The following BLTP1 variants were observed in gnomAD, a reference collection of about 807,000 sequenced individuals.
BLTP1 encodes bridge-like lipid transfer protein family member 1.
At chr4:122,221,596 C>A in the BLTP1 span, among the ~76,000 whole-genome samples, 1 of 151,768 alleles carries the variant, frequency 6.6e-6, no homozygotes, top group East Asian at 1.9e-4. Flanking sequence ...CATGTAACCA[C>A]CAAAATGAAG....
the BLTP1 span, among the ~76,000 whole-genome samples, chr4:122,306,915 C>T: frequency 6.6e-6 from 1 of 152,216 alleles, no homozygotes; most frequent in South Asian, 2.1e-4. Context: ...GCCCTTTTGG[C>T]AGTGTTACAG....
the BLTP1 span, among the ~76,000 whole-genome samples, chr4:122,322,548 T>G: frequency 6.6e-6 from 1 of 152,132 alleles, no homozygotes; most frequent in African/African-American, 2.4e-5. Context: ...TTAGATTGTG[T>G]TTTTTGCTAT....
At chr4:122,226,631 C>T in the BLTP1 span, 1 of 1,584,144 alleles carries the variant, frequency 6.3e-7, no homozygotes, top group Non-Finnish European at 8.5e-7. Flanking sequence ...CGTTAACATT[C>T]TTCAGAAGCT....
the BLTP1 span, among the ~76,000 whole-genome samples, chr4:122,295,234 C>T: frequency 2.6e-5 from 4 of 151,898 alleles, no homozygotes; most frequent in Non-Finnish European, 5.9e-5. Flanking sequence ...CAAGACAGGC[C>T]AACATTCGAA....
At chr4:122,301,259 CT>C in the BLTP1 span, 18 of 1,466,104 alleles carry the variant, frequency 1.2e-5, no homozygotes, top group South Asian at 2.8e-5. Flanking sequence ...TATTTTTTTT[CT>C]TTAAAAAAAA....
At chr4:122,178,988 A>ACC in the BLTP1 span, among the ~76,000 whole-genome samples, 1 of 152,160 alleles carries the variant, frequency 6.6e-6, no homozygotes, top group Admixed American at 6.5e-5. Context: ...TTTAAAAAGC[A>ACC]CCTTTTGAGG....
chr4:122,243,732 G>C, the BLTP1 span: 2 of 1,176,300 alleles, frequency 1.7e-6, no homozygotes, highest in Non-Finnish European at 2.2e-6. Flanking sequence ...AAAAAAAAAA[G>C]TCAAGTCCAA....
At chr4:122,184,714 T>C in the BLTP1 span, 15 of 985,356 alleles carry the variant, frequency 1.5e-5, no homozygotes, top group Non-Finnish European at 1.8e-5. Flanking sequence ...GTTTAACAAC[T>C]GGTACTATAC....
chr4:122,268,012 T>C, the BLTP1 span, among the ~76,000 whole-genome samples: 1 of 152,110 alleles, frequency 6.6e-6, no homozygotes, highest in Non-Finnish European at 1.5e-5. Context: ...AAATTTTAAA[T>C]AATTTAACAA....
the BLTP1 span, chr4:122,313,689 T>C: frequency 2.0e-6 from 3 of 1,501,234 alleles, no homozygotes; most frequent in African/African-American, 1.4e-5. Context: ...CAGCAGCTGG[T>C]AGGTTCACAT....
the BLTP1 span, among the ~76,000 whole-genome samples, chr4:122,165,195 A>G: frequency 6.6e-6 from 1 of 151,904 alleles, no homozygotes; most frequent in Admixed American, 6.6e-5. Flanking sequence ...AACATTAGGT[A>G]TATCTCCTAA....
chr4:122,222,943 T>C, the BLTP1 span: 1 of 938,008 alleles, frequency 1.1e-6, no homozygotes, highest in Non-Finnish European at 1.3e-6. Flanking sequence ...GGCTATACCT[T>C]AGGAAAGCCC....
the BLTP1 span, chr4:122,267,024 C>T: frequency 2.8e-5 from 14 of 501,284 alleles, no homozygotes; most frequent in South Asian, 1.3e-4. Flanking sequence ...TTTAACGTTA[C>T]TTTCGTGTAA....
the BLTP1 span, among the ~76,000 whole-genome samples, chr4:122,296,009 T>G: frequency 6.6e-6 from 1 of 152,208 alleles, no homozygotes; most frequent in African/African-American, 2.4e-5. Context: ...AGCATTCCCC[T>G]TGAAAACTGG....
At chr4:122,197,234 A>G in the BLTP1 span, 101 of 1,483,264 alleles carry the variant, frequency 6.8e-5, no homozygotes, top group Admixed American at 2.1e-3. Flanking sequence ...GAGCTGGCTC[A>G]TATTTAGAAA....
chr4:122,178,018 A>G, the BLTP1 span: 4 of 670,292 alleles, frequency 6.0e-6, no homozygotes, highest in South Asian at 6.8e-5. Flanking sequence ...TGCTTAGTAC[A>G]TAGAAGAACT....
the BLTP1 span, chr4:122,162,810 A>G: frequency 4.0e-6 from 1 of 250,260 alleles, no homozygotes; most frequent in Non-Finnish European, 6.3e-6. Flanking sequence ...AACTTGACTC[A>G]TACTTTAAAA....
At chr4:122,235,076 G>A in the BLTP1 span, 1 of 1,412,452 alleles carries the variant, frequency 7.1e-7, no homozygotes, top group Non-Finnish European at 9.7e-7. Flanking sequence ...TCATCACTAT[G>A]CCATTTTGAG....
At chr4:122,195,965 TG>T in the BLTP1 span, among the ~76,000 whole-genome samples, 1 of 152,296 alleles carries the variant, frequency 6.6e-6, no homozygotes, top group African/African-American at 2.4e-5. Context: ...ACAATACTAA[TG>T]TTAGCTCATG....
Sources: gnomAD v4.1 joint callset for allele counts (sites outside exome capture counted in the v4.1 genomes callset) on GRCh38, gnomAD v4.1.1 for gene constraint, MANE v1.5 for transcripts, NCBI Gene and HGNC (gene_info 2026-07-23, HGNC 2026-07-21) for gene names.